Variants in USP15 observed in about 807,000 individuals in gnomAD.
The protein encoded by USP15 is ubiquitin carboxyl-terminal hydrolase 15.
Under a neutral mutation model 127.1 loss-of-function variants are expected in USP15, and 18 were observed. That is an observed-to-expected ratio of 0.14 (90% confidence interval 0.10 to 0.21). USP15 has a LOEUF of 0.21. USP15 is among the 10% of genes least tolerant of loss of function. The pLI, the probability that USP15 is intolerant of heterozygous loss-of-function variation, is 1.00. For synonymous variants in USP15, 364 were observed against 393.7 expected, an observed-to-expected ratio of 0.92 and a Z score of 0.89; for missense variants, 805 against 1,159.9, an observed-to-expected ratio of 0.69 and a Z score of 4.44.
chr12:62,266,766 CTG>C (rs1413402919), intron 1 of USP15, among the ~76,000 whole-genome samples: 1 of 152,010 alleles, frequency 6.6e-6, no homozygotes, highest in African/African-American at 2.4e-5. Flanking sequence ...GATGAGGAAT[CTG>C]AGAGAAATTA....
At chr12:62,263,453 T>C (rs556846550) in intron 1 of USP15, among the ~76,000 whole-genome samples, 5 of 152,312 alleles carry the variant, frequency 3.3e-5, no homozygotes, top group African/African-American at 1.2e-4. Flanking sequence ...CTTCCATACC[T>C]AGGCAAGTAT....
intron 1 of USP15, chr12:62,279,163 C>T (rs970494607): frequency 2.0e-5 from 3 of 152,116 alleles, no homozygotes; most frequent in Non-Finnish European, 4.4e-5. Context: ...CTTATTTCTT[C>T]CTTTCCCCAG....
At position 62,287,971 on chromosome 12, in the gene USP15, A is replaced by G. The variant is rs542444286; in HGVS notation, c.90-6208A>G. Reference sequence around the variant, plus strand: ...GTGTGTCTATTTTTGTACCAGTACCATGCTGCTTTGGTTACTATAACCTTG... The same window carrying G: ...GTGTGTCTATTTTTGTACCAGTACCGTGCTGCTTTGGTTACTATAACCTTG... On this transcript the variant is annotated intron_variant, in intron 1 of 21. Transcript: ENST00000280377. Among the ~76,000 whole-genome samples, 10 of 152,308 alleles carry G rather than the reference A, an allele frequency of 6.6e-5. 1 individual carries two copies. The highest frequency in any genetic ancestry group is 4.8e-5 in the African/African-American group (2 of 41,558).
At chr12:62,305,214 A>G (rs1047961358) in intron 3 of USP15, among the ~76,000 whole-genome samples, 10 of 152,272 alleles carry the variant, frequency 6.6e-5, no homozygotes, top group African/African-American at 2.2e-4. Context: ...AAGAAATGCT[A>G]TGAATCCCAA....
chr12:62,282,463 TTACTG>T (rs1465315292), intron 1 of USP15, among the ~76,000 whole-genome samples: 3 of 152,224 alleles, frequency 2.0e-5, no homozygotes, highest in African/African-American at 7.2e-5. Flanking sequence ...TCAAAATACC[TTACTG>T]TACTGTACTT....
At chr12:62,289,250 A>G (rs2063878974) in intron 1 of USP15, among the ~76,000 whole-genome samples, 1 of 124,242 alleles carries the variant, frequency 8.0e-6, no homozygotes, top group South Asian at 2.6e-4. Flanking sequence ...TTGTTGGGAG[A>G]TTTTCATCTT....
intron 6 of USP15, among the ~76,000 whole-genome samples, chr12:62,345,769 C>T (rs1443281577): frequency 6.6e-6 from 1 of 152,084 alleles, no homozygotes; most frequent in East Asian, 1.9e-4. Flanking sequence ...ACAATCATGG[C>T]AGAAGGCAAG....
chr12:62,414,930 A>C lies in USP15; in HGVS notation c.*10555A>C, dbSNP rs1457085574. 1 of 150,266 alleles carries C rather than the reference A, an allele frequency of 6.7e-6. No individual in the cohort carries two copies. Among genetic ancestry groups the C allele is most frequent in the Non-Finnish European group, 1.5e-5 (1 of 67,648 alleles). The allele number at this position is 150,266 out of a possible 1,614,324, so 9.3% of individuals were successfully genotyped here. ...ACCAATAGGATGCATATGTGTATAC[A>C]CATATATGTATAGCTCTCTCCCTCA... On this transcript the variant is annotated 3_prime_UTR_variant, in exon 22 of 22. Transcript: ENST00000280377.
intron 8 of USP15, among the ~76,000 whole-genome samples, chr12:62,365,100 A>G (rs186129843): frequency 2.2e-4 from 33 of 152,250 alleles, no homozygotes; most frequent in Admixed American, 9.2e-4. Context: ...GTCAAATGGT[A>G]TTTCTAGTTC....
chr12:62,293,989 G>A (rs558183218), intron 1 of USP15, among the ~76,000 whole-genome samples, 190 bp from the exon 2 acceptor site: 10 of 152,048 alleles, frequency 6.6e-5, no homozygotes, highest in African/African-American at 2.4e-4. Flanking sequence ...TATATTTATA[G>A]AACAATAGGA....
At chr12:62,261,981 T>G (rs1441158310) in intron 1 of USP15, among the ~76,000 whole-genome samples, 1 of 152,170 alleles carries the variant, frequency 6.6e-6, no homozygotes, top group Non-Finnish European at 1.5e-5. Flanking sequence ...GGTTCACGCC[T>G]GTAACCCAGC....
At chr12:62,305,078 G>A (rs73135299) in intron 3 of USP15, among the ~76,000 whole-genome samples, 11,616 of 152,116 alleles carry the variant, frequency 0.076, 572 homozygotes, top group Middle Eastern at 0.16. Flanking sequence ...ATGGAATGCA[G>A]TAAGTAAGTT....
chr12:62,303,065 C>A, intron 3 of USP15, 145 bp downstream of exon 3: 2 of 852,758 alleles, frequency 2.3e-6, no homozygotes, highest in Non-Finnish European at 3.5e-6. Flanking sequence ...ACAATAATGG[C>A]AAGTAACATG....
At chr12:62,277,685 C>T (rs1262162261) in intron 1 of USP15, 3 of 139,276 alleles carry the variant, frequency 2.2e-5, no homozygotes, top group Non-Finnish European at 3.1e-5. Flanking sequence ...AATACACTAA[C>T]GCTAAAAATA....
intron 3 of USP15, chr12:62,304,758 C>T: frequency 2.3e-6 from 1 of 437,308 alleles, no homozygotes; most frequent in South Asian, 1.6e-5. Flanking sequence ...AAACAGCAGA[C>T]AATAGAAACA....
At chr12:62,368,134 A>G (rs991937042) in intron 8 of USP15, among the ~76,000 whole-genome samples, 2 of 152,110 alleles carry the variant, frequency 1.3e-5, no homozygotes, top group East Asian at 3.9e-4. Context: ...TGAGTTTCTT[A>G]ATCCTGAGTT....
chr12:62,270,810 ATTAG>A (rs1469852020), intron 1 of USP15, among the ~76,000 whole-genome samples: 2 of 152,064 alleles, frequency 1.3e-5, no homozygotes. Flanking sequence ...CTCTTCTCTT[ATTAG>A]TTTACACTAT....
At chr12:62,366,878 C>G (rs1384778447) in intron 8 of USP15, among the ~76,000 whole-genome samples, 1 of 152,300 alleles carries the variant, frequency 6.6e-6, no homozygotes, top group East Asian at 1.9e-4. Context: ...GTTGAACCAG[C>G]CTTGCATCCC....
rs73321591 is a variant in USP15 at position 62,392,138 on chromosome 12, A to G, written c.2305-134A>G. The G allele has an allele frequency of 1.3e-3, 970 of 724,272 alleles. 6 individuals are homozygous for G. The African/African-American group carries it at 0.014, about 11-fold the overall frequency. 44.9% of individuals were successfully genotyped at this position (724,272 alleles called of 1,614,324 possible). A position where few individuals can be genotyped will look rare whatever the true frequency, so the allele number is the denominator to read the frequency against. ...ACAGGAATTATTTAGAAGTATATAAATCTCAACTGAAATAAGCTTTATGAT... is the reference window on the plus strand; with the variant it reads ...ACAGGAATTATTTAGAAGTATATAAGTCTCAACTGAAATAAGCTTTATGAT... On this transcript the variant is annotated intron_variant, in intron 17 of 21. Coordinates refer to ENST00000280377, the MANE Select transcript of USP15 (RefSeq NM_001252078.2).
Sources: allele counts gnomAD v4.1 joint callset (sites outside exome capture counted in the v4.1 genomes callset), GRCh38; gene constraint gnomAD v4.1.1; transcripts MANE v1.5; gene names NCBI Gene and HGNC (gene_info 2026-07-23, HGNC 2026-07-21).